The following RPS6KA5 variants were observed in gnomAD, a reference collection of about 807,000 sequenced individuals.
RPS6KA5 encodes ribosomal protein S6 kinase A5, also known as ribosomal protein S6 kinase alpha-5.
A neutral mutation model predicts 85.5 loss-of-function variants in RPS6KA5; 27 were observed. That is an observed-to-expected ratio of 0.32 (90% CI 0.23 to 0.44). The LOEUF is 0.44. Among genes scored for constraint, RPS6KA5 ranks in the 20% least tolerant of loss-of-function variants. The pLI is 1.00. For synonymous variants in RPS6KA5, 334 were observed against 348.2 expected, an observed-to-expected ratio of 0.96 and a Z score of 0.46; for missense variants, 811 against 980.9, an observed-to-expected ratio of 0.83 and a Z score of 2.31.
intron 1 of RPS6KA5, among the ~76,000 whole-genome samples, chr14:91,025,351 T>A (rs2041951354): frequency 6.6e-6 from 1 of 152,226 alleles, no homozygotes; most frequent in African/African-American, 2.4e-5. Flanking sequence ...GTCTCCTTTT[T>A]TTCATTGAGT....
intron 1 of RPS6KA5, among the ~76,000 whole-genome samples, chr14:91,056,941 A>G (rs1412480609): frequency 1.7e-5 from 2 of 117,758 alleles, no homozygotes; most frequent in East Asian, 5.5e-4. Flanking sequence ...GTGCAATGGC[A>G]TGATCTCGGC....
chr14:90,917,557 G>A (rs1318700120), intron 7 of RPS6KA5, among the ~76,000 whole-genome samples: 2 of 151,920 alleles, frequency 1.3e-5, no homozygotes, highest in Admixed American at 1.3e-4. Context: ...AATCTCTCCT[G>A]ACCTCCCCCA....
At chr14:90,903,064 A>T in intron 8 of RPS6KA5, 95 bp from the exon 9 acceptor site, 1 of 1,030,338 alleles carries the variant, frequency 9.7e-7, no homozygotes, top group South Asian at 1.6e-5. Context: ...ACTGGTAGGG[A>T]GAGAGGATAA....
At chr14:90,941,969 C>A (rs1300728373) in intron 5 of RPS6KA5, among the ~76,000 whole-genome samples, 1 of 152,120 alleles carries the variant, frequency 6.6e-6, no homozygotes, top group Non-Finnish European at 1.5e-5. Flanking sequence ...GAAGTAAACT[C>A]AAAATTCATC....
At chr14:90,907,689 T>C (rs1152434) in intron 7 of RPS6KA5, among the ~76,000 whole-genome samples, 1 of 152,290 alleles carries the variant, frequency 6.6e-6, no homozygotes, top group Non-Finnish European at 1.5e-5. Context: ...AAGAAAATGT[T>C]GGTAAAACAA....
Position 90,848,903 on chromosome 14 carries a change from G to A in RPS6KA5, c.*23171C>T, listed in dbSNP as rs2031845794. ...TGCTTCCTTCTTAAAAACCTAGGGGGAAGGTGAGCTCCTGGGACATAAATA... is the reference window on the plus strand; with the variant it reads ...TGCTTCCTTCTTAAAAACCTAGGGGAAAGGTGAGCTCCTGGGACATAAATA... On this transcript the variant is annotated 3_prime_UTR_variant, in exon 17 of 17. Coordinates refer to ENST00000614987, the MANE Select transcript of RPS6KA5 (RefSeq NM_004755.4). 1 of 152,084 alleles carries A rather than the reference G, an allele frequency of 6.6e-6. No homozygotes were observed. The highest frequency in any genetic ancestry group is 1.5e-5 in the Non-Finnish European group (1 of 68,026). 9.4% of individuals were successfully genotyped at this position (152,084 alleles called of 1,614,324 possible). A position where few individuals can be genotyped will look rare whatever the true frequency, so the allele number is the denominator to read the frequency against.
chr14:90,945,389 A>C (rs1486599535), intron 4 of RPS6KA5, among the ~76,000 whole-genome samples: 1 of 152,240 alleles, frequency 6.6e-6, no homozygotes, highest in Non-Finnish European at 1.5e-5. Flanking sequence ...TGCATCTAAC[A>C]ACCAGGAGAT....
At chr14:90,972,048 T>G (rs2039344247) in intron 3 of RPS6KA5, among the ~76,000 whole-genome samples, 1 of 152,192 alleles carries the variant, frequency 6.6e-6, no homozygotes, top group Non-Finnish European at 1.5e-5. Flanking sequence ...TATCTAAGAT[T>G]CAGTTAAGAA....
At chr14:90,973,431 G>A (rs1277284416) in intron 3 of RPS6KA5, among the ~76,000 whole-genome samples, 2 of 151,364 alleles carry the variant, frequency 1.3e-5, no homozygotes, top group South Asian at 2.1e-4. Flanking sequence ...GCAACAGAGC[G>A]AGACTCCATC....
At chr14:91,007,750 G>A (rs929756990) in intron 1 of RPS6KA5, among the ~76,000 whole-genome samples, 2 of 151,058 alleles carry the variant, frequency 1.3e-5, no homozygotes, top group African/African-American at 2.4e-5. Flanking sequence ...GATATGAGGT[G>A]GTGATTGATG....
rs547298763 is a variant in RPS6KA5 at position 90,962,446 on chromosome 14, G to A, written c.395-14896C>T. 2.6e-5 allele frequency among the ~76,000 whole-genome samples: 4 copies of A among 151,916 alleles called. No homozygotes were observed. The South Asian group carries it at 8.3e-4, about 32-fold the overall frequency. ...AGCCTCCCAAGTAGCTGGGACTATAGGTGCAAAATTTTGTACTTTTAGTAG... is the reference window on the plus strand; with the variant it reads ...AGCCTCCCAAGTAGCTGGGACTATAAGTGCAAAATTTTGTACTTTTAGTAG... On this transcript the variant is annotated intron_variant, in intron 3 of 16. Transcript: ENST00000614987.
chr14:90,937,809 C>A (rs2037353075), intron 5 of RPS6KA5, among the ~76,000 whole-genome samples: 1 of 152,080 alleles, frequency 6.6e-6, no homozygotes, highest in Non-Finnish European at 1.5e-5. Flanking sequence ...GAAAAACTTG[C>A]CCCCATGATT....
intron 7 of RPS6KA5, among the ~76,000 whole-genome samples, chr14:90,915,534 G>A (rs978102583): frequency 2.1e-4 from 32 of 152,224 alleles, no homozygotes; most frequent in African/African-American, 6.3e-4. Context: ...GAAGCCAGGC[G>A]CAGTGGCTCA....
chr14:91,048,901 T>G (rs1027764840), intron 1 of RPS6KA5, among the ~76,000 whole-genome samples: 24 of 152,248 alleles, frequency 1.6e-4, no homozygotes, highest in African/African-American at 5.5e-4. Context: ...AGAATCAGCT[T>G]CTTTTTCACA....
chr14:90,906,469 T>C (rs572062447), intron 7 of RPS6KA5, among the ~76,000 whole-genome samples, 170 bp from the exon 8 acceptor site: 4 of 151,844 alleles, frequency 2.6e-5, no homozygotes, highest in Non-Finnish European at 5.9e-5. Context: ...TGAGATACCA[T>C]AAAGTCAAAT....
chr14:90,948,169 C>T (rs997051634), intron 3 of RPS6KA5, among the ~76,000 whole-genome samples: 1 of 152,078 alleles, frequency 6.6e-6, no homozygotes, highest in African/African-American at 2.4e-5. Context: ...AAATAGGTGA[C>T]CAAAAGGCTA....
intron 3 of RPS6KA5, among the ~76,000 whole-genome samples, chr14:90,961,126 G>A (rs1251118776): frequency 6.6e-6 from 1 of 152,180 alleles, no homozygotes; most frequent in Non-Finnish European, 1.5e-5. Context: ...TGAGACCAAA[G>A]AATAACAATA....
rs1452113501 is a variant in RPS6KA5 at position 90,855,257 on chromosome 14, G to T, written c.*16817C>A. 1 of 152,094 alleles carries T rather than the reference G, an allele frequency of 6.6e-6. No individual in the cohort carries two copies. The highest frequency in any genetic ancestry group is 1.5e-5 in the Non-Finnish European group (1 of 68,022). 9.4% of individuals were successfully genotyped at this position (152,094 alleles called of 1,614,324 possible). ...GCATTAATTTTCTGCTATTTTAAAG[G>T]TATTATGTTTGATGAAAAGACAACT... is the stretch of plus-strand genomic sequence containing the variant. On this transcript the variant is annotated 3_prime_UTR_variant, in exon 17 of 17. Transcript: ENST00000614987.
In RPS6KA5 at chr14:90,862,796, G is replaced by C. The variant is rs1157095947; in HGVS notation, c.*9278C>G. 1 of 152,040 alleles carries C rather than the reference G, an allele frequency of 6.6e-6. No homozygotes were observed. The highest frequency in any genetic ancestry group is 1.9e-4 in the East Asian group (1 of 5,174). The allele number at this position is 152,040 out of a possible 1,614,324, so 9.4% of individuals were successfully genotyped here. ...TCCTCCTTATGATCCAAAAATCTTA[G>C]GCAAAATATTAGCAAACTATATCCA... On this transcript the variant is annotated 3_prime_UTR_variant, in exon 17 of 17. Transcript: ENST00000614987.
Sources: allele counts gnomAD v4.1 joint callset (sites outside exome capture counted in the v4.1 genomes callset), GRCh38; gene constraint gnomAD v4.1.1; transcripts MANE v1.5; gene names NCBI Gene and HGNC (gene_info 2026-07-23, HGNC 2026-07-21).